The following STK32B variants were observed in gnomAD, a reference collection of about 807,000 sequenced individuals.
STK32B encodes the protein serine/threonine-protein kinase 32B.
Under a neutral mutation model 52.6 loss-of-function variants are expected in STK32B, and 43 were observed. The observed-to-expected ratio is 0.82, with a 90% CI of 0.64 to 1.05. STK32B has a LOEUF of 1.05. Among genes scored for constraint, STK32B ranks in the 50% least tolerant of loss-of-function variants. The probability of loss-of-function intolerance (pLI) is 0.00; values close to 1 mark genes in which losing one functional copy is unlikely to be tolerated. For missense variants in STK32B, 621 were observed against 534.6 expected, an observed-to-expected ratio of 1.16 and a Z score of -1.59; for synonymous variants, 238 against 204.3, an observed-to-expected ratio of 1.17 and a Z score of -1.41.
chr4:5,363,111 T>G (rs184487123), intron 4 of STK32B, among the ~76,000 whole-genome samples: 1 of 152,218 alleles, frequency 6.6e-6, no homozygotes, highest in East Asian at 1.9e-4. Flanking sequence ...TTCTGTCCCA[T>G]GTTCTCATCA....
At chr4:5,217,079 A>G (rs1003784347) in intron 3 of STK32B, among the ~76,000 whole-genome samples, 2 of 152,336 alleles carry the variant, frequency 1.3e-5, no homozygotes, top group Non-Finnish European at 2.9e-5. Context: ...AACCGAACTT[A>G]TGTGGTAGCA....
chr4:5,168,268 C>T (rs368119114), intron 2 of STK32B, 31 bp from the exon 3 acceptor site: 40 of 1,589,344 alleles, frequency 2.5e-5, no homozygotes, highest in Non-Finnish European at 3.3e-5. Context: ...GATTGTTGGC[C>T]TGACTGTTCT....
chr4:5,442,024 G>C (rs375044162), intron 6 of STK32B, among the ~76,000 whole-genome samples: 2 of 110,938 alleles, frequency 1.8e-5, no homozygotes, highest in East Asian at 3.1e-4. Context: ...TTACTTCCAA[G>C]TATGTGGTCA....
intron 5 of STK32B, among the ~76,000 whole-genome samples, chr4:5,405,373 C>T (rs774509703): frequency 3.4e-4 from 51 of 152,094 alleles, no homozygotes; most frequent in African/African-American, 9.2e-4. Flanking sequence ...TAAATTCACC[C>T]GTCACATCAT....
chr4:5,091,274 T>C (rs1365633747), intron 1 of STK32B, among the ~76,000 whole-genome samples: 1 of 151,986 alleles, frequency 6.6e-6, no homozygotes, highest in African/African-American at 2.4e-5. Context: ...AAGGACACTA[T>C]CAAGAAAAGG....
intron 2 of STK32B, among the ~76,000 whole-genome samples, chr4:5,142,214 T>C (rs967680289): frequency 6.6e-6 from 1 of 152,202 alleles, no homozygotes; most frequent in South Asian, 2.1e-4. Flanking sequence ...ACTCATCCTC[T>C]TATGGGGTAG....
At chr4:5,419,402 G>A (rs1199157180) in intron 6 of STK32B, among the ~76,000 whole-genome samples, 1 of 152,134 alleles carries the variant, frequency 6.6e-6, no homozygotes, top group African/African-American at 2.4e-5. Context: ...GCTTTTTCCT[G>A]GAAGGAGTTG....
At chr4:5,472,695 T>A (rs1717932759) in intron 11 of STK32B, among the ~76,000 whole-genome samples, 2 of 152,206 alleles carry the variant, frequency 1.3e-5, no homozygotes, top group Admixed American at 1.3e-4. Context: ...CAGAAACATT[T>A]AAAATCATAT....
In STK32B at chr4:5,499,212, G is replaced by A. The variant is rs1720546768; in HGVS notation, c.*129G>A. ...CAGATGCAGAAAAAGCCCTGGACTT[G>A]GAGCTGGGAAGCCTGGGTTCTGGTC... On this transcript the variant is annotated 3_prime_UTR_variant, in exon 12 of 12. Coordinates refer to ENST00000282908, the MANE Select transcript of STK32B (RefSeq NM_018401.3). The A allele has an allele frequency of 7.5e-7, 1 of 1,325,764 alleles. No homozygotes were observed. The highest frequency in any genetic ancestry group is 1.0e-6 in the Non-Finnish European group (1 of 1,003,736). 82.1% of individuals were successfully genotyped at this position (1,325,764 alleles called of 1,614,324 possible).
chr4:5,448,960 T>C (rs79360601), intron 7 of STK32B, among the ~76,000 whole-genome samples: 3,229 of 152,230 alleles, frequency 0.021, 141 homozygotes, highest in African/African-American at 0.073. Flanking sequence ...TTAGGAGTTA[T>C]CCCCCCTCTT....
At chr4:5,273,743 C>CA (rs1727604103) in intron 3 of STK32B, among the ~76,000 whole-genome samples, 1 of 131,604 alleles carries the variant, frequency 7.6e-6, no homozygotes, top group African/African-American at 3.0e-5. Context: ...ATCGCAAGAA[C>CA]AAAAAACCAA....
At chr4:5,190,503 T>TG (rs1045463455) in intron 3 of STK32B, among the ~76,000 whole-genome samples, 1 of 152,166 alleles carries the variant, frequency 6.6e-6, no homozygotes, top group Admixed American at 6.6e-5. Flanking sequence ...TTTGGTGTCA[T>TG]GGGTTCATTT....
At chr4:5,143,725 C>T (rs1041469615) in intron 2 of STK32B, among the ~76,000 whole-genome samples, 1 of 145,300 alleles carries the variant, frequency 6.9e-6, no homozygotes, top group Non-Finnish European at 1.6e-5. Context: ...TTAGAATTCC[C>T]TCCCTCCAAA....
intron 3 of STK32B, among the ~76,000 whole-genome samples, chr4:5,286,286 C>T (rs778024596): frequency 6.6e-6 from 1 of 152,146 alleles, no homozygotes. Flanking sequence ...CAATAACTAA[C>T]AAGTCATCTA....
chr4:5,405,242 C>T (rs1737580222), intron 5 of STK32B, among the ~76,000 whole-genome samples: 1 of 151,816 alleles, frequency 6.6e-6, no homozygotes. Flanking sequence ...CCAACCCTGC[C>T]TGTGTGGAGT....
At chr4:5,383,894 C>T (rs530270146) in intron 4 of STK32B, among the ~76,000 whole-genome samples, 2 of 152,270 alleles carry the variant, frequency 1.3e-5, no homozygotes, top group African/African-American at 2.4e-5. Flanking sequence ...AGTTTTATAT[C>T]CTAATGGGGA....
chr4:5,464,609 C>T (rs7659334), intron 9 of STK32B, among the ~76,000 whole-genome samples: 95 of 152,320 alleles, frequency 6.2e-4, no homozygotes, highest in East Asian at 2.9e-3. Flanking sequence ...TGATGATGGC[C>T]AACAGGTCTG....
chr4:5,187,118 C>G (rs118086316), intron 3 of STK32B, among the ~76,000 whole-genome samples: 1 of 152,158 alleles, frequency 6.6e-6, no homozygotes, highest in Admixed American at 6.5e-5. Context: ...TGAGGGAATC[C>G]GTCCAGTAGT....
rs369484743 is a variant in STK32B at position 5,352,632 on chromosome 4, C to T, written c.434+21239C>T. Reference sequence around the variant, plus strand: ...GAGAAAGAAATAAAAAAAAAAAAAACGTCCAAACTAAAAAAGAAGTCATTT... The same window carrying T: ...GAGAAAGAAATAAAAAAAAAAAAAATGTCCAAACTAAAAAAGAAGTCATTT... On this transcript the variant is annotated intron_variant, in intron 4 of 11. Coordinates refer to ENST00000282908, the MANE Select transcript of STK32B (RefSeq NM_018401.3). 4.6e-3 allele frequency among the ~76,000 whole-genome samples: 625 copies of T among 134,732 alleles called. 1 individual carries two copies. The highest frequency in any genetic ancestry group is 0.014 in the African/African-American group (534 of 38,176). The allele number at this position is 134,732 out of a possible 152,430, so 88.4% of individuals were successfully genotyped here.
Sources: gnomAD v4.1 joint callset for allele counts (sites outside exome capture counted in the v4.1 genomes callset) on GRCh38, gnomAD v4.1.1 for gene constraint, MANE v1.5 for transcripts, NCBI Gene and HGNC (gene_info 2026-07-23, HGNC 2026-07-21) for gene names.